GALNTL6: variants seen among roughly 807,000 people sequenced by gnomAD.
The protein encoded by GALNTL6 is polypeptide N-acetylgalactosaminyltransferase like 6, also known as polypeptide N-acetylgalactosaminyltransferase-like 6.
A neutral mutation model predicts 73.7 loss-of-function variants in GALNTL6; 46 were observed. The ratio of observed to expected loss-of-function variants is 0.62; its 90% CI spans 0.49 to 0.80. The LOEUF is 0.80. Ranked by LOEUF, GALNTL6 falls within the 30% of genes least tolerant of loss-of-function variation. The pLI, the probability that GALNTL6 is intolerant of heterozygous loss-of-function variation, is 0.00. For synonymous variants in GALNTL6, 259 were observed against 263.7 expected (o/e 0.98, Z 0.17); for missense variants, 604 against 755.0 (o/e 0.80, Z 2.34).
intron 5 of GALNTL6, among the ~76,000 whole-genome samples, chr4:172,617,234 C>T (rs908385472): frequency 7.3e-5 from 11 of 151,562 alleles, no homozygotes; most frequent in African/African-American, 2.7e-4. Context: ...AAATATGGTG[C>T]ATATTTTTAA....
chr4:171,819,556 C>T (rs1485527935), intron 2 of GALNTL6, among the ~76,000 whole-genome samples: 1 of 152,052 alleles, frequency 6.6e-6, no homozygotes, highest in Non-Finnish European at 1.5e-5. Flanking sequence ...GTGGTTTAAA[C>T]GGTGTAGAAG....
chr4:172,022,325 C>T (rs74982585), intron 2 of GALNTL6, among the ~76,000 whole-genome samples: 1 of 151,982 alleles, frequency 6.6e-6, no homozygotes, highest in African/African-American at 2.4e-5. Context: ...AGTTTATGAA[C>T]TAGAGCCTTC....
At chr4:172,289,065 G>A (rs1268222837) in intron 3 of GALNTL6, among the ~76,000 whole-genome samples, 1 of 151,552 alleles carries the variant, frequency 6.6e-6, no homozygotes, top group Non-Finnish European at 1.5e-5. Context: ...CGTCTTATTT[G>A]TGGAAAAATA....
At chr4:172,311,125 C>T (rs1740342963) in intron 3 of GALNTL6, among the ~76,000 whole-genome samples, 1 of 152,070 alleles carries the variant, frequency 6.6e-6, no homozygotes, top group South Asian at 2.1e-4. Flanking sequence ...TCAGTAATTC[C>T]ATTTCTGGGG....
intron 12 of GALNTL6, among the ~76,000 whole-genome samples, chr4:173,038,375 G>C (rs1232361881): frequency 1.3e-5 from 2 of 152,130 alleles, no homozygotes; most frequent in African/African-American, 4.8e-5. Context: ...TCAGAAAGAA[G>C]GGCTGGCGGA....
At chr4:172,986,844 A>C (rs1751310620) in intron 10 of GALNTL6, among the ~76,000 whole-genome samples, 1 of 152,228 alleles carries the variant, frequency 6.6e-6, no homozygotes, top group Non-Finnish European at 1.5e-5. Context: ...ACTGTATCCC[A>C]AGGAATAAGC....
At chr4:172,649,799 T>C (rs1740394799) in intron 5 of GALNTL6, among the ~76,000 whole-genome samples, 1 of 152,198 alleles carries the variant, frequency 6.6e-6, no homozygotes, top group African/African-American at 2.4e-5. Flanking sequence ...CAGAAGACTG[T>C]CTTATTATCA....
chr4:173,039,846 C>A, intron 12 of GALNTL6, 87 bp from the exon 13 acceptor site: 2 of 1,000,190 alleles, frequency 2.0e-6, no homozygotes, highest in Non-Finnish European at 3.0e-6. Context: ...GAAATATAAA[C>A]AGAAATATCT....
intron 2 of GALNTL6, among the ~76,000 whole-genome samples, chr4:171,903,623 A>C (rs7693324): frequency 0.49 from 54,944 of 111,842 alleles, 16,804 homozygotes; most frequent in African/African-American, 0.68. Context: ...CCTGAAGCTC[A>C]AACTGGGTGG....
At chr4:172,175,079 A>AT (rs376274267) in intron 2 of GALNTL6, among the ~76,000 whole-genome samples, 57,069 of 146,098 alleles carry the variant, frequency 0.39, 11,117 homozygotes, top group Admixed American at 0.42. Context: ...ACAAACAAGA[A>AT]TTTTTTTTTT....
At chr4:172,647,939 C>CCACT (rs1316715834) in intron 5 of GALNTL6, among the ~76,000 whole-genome samples, 1 of 152,032 alleles carries the variant, frequency 6.6e-6, no homozygotes, top group Non-Finnish European at 1.5e-5. Flanking sequence ...AGGAAGCCAC[C>CCACT]CACTATTCAA....
chr4:172,161,161 T>G (rs550004979), intron 2 of GALNTL6, among the ~76,000 whole-genome samples: 118 of 152,020 alleles, frequency 7.8e-4, no homozygotes, highest in Non-Finnish European at 1.5e-3. Flanking sequence ...GTTTGAAATT[T>G]TTCAAATTGA....
intron 5 of GALNTL6, among the ~76,000 whole-genome samples, chr4:172,769,735 G>A (rs146151464): frequency 2.3e-3 from 343 of 152,246 alleles, no homozygotes; most frequent in African/African-American, 8.0e-3. Context: ...CAAATAGAGA[G>A]AAAAGGTTTA....
intron 5 of GALNTL6, among the ~76,000 whole-genome samples, chr4:172,400,509 T>C (rs1299198539): frequency 9.9e-5 from 15 of 152,148 alleles, no homozygotes. Context: ...ATGTTAAAAA[T>C]GCATGTTAAA....
At chr4:172,542,849 T>G (rs1231076321) in intron 5 of GALNTL6, among the ~76,000 whole-genome samples, 1 of 151,980 alleles carries the variant, frequency 6.6e-6, no homozygotes, top group Admixed American at 6.6e-5. Flanking sequence ...TCCCAGCACT[T>G]TGGGAGGCGC....
chr4:171,870,410 C>A (rs1736106265), intron 2 of GALNTL6, among the ~76,000 whole-genome samples: 1 of 152,194 alleles, frequency 6.6e-6, no homozygotes, highest in South Asian at 2.1e-4. Flanking sequence ...CCCTTGATGA[C>A]AAACTGCATT....
At chr4:172,373,801 G>A (rs941168235) in intron 5 of GALNTL6, among the ~76,000 whole-genome samples, 2 of 152,254 alleles carry the variant, frequency 1.3e-5, no homozygotes, top group Non-Finnish European at 2.9e-5. Flanking sequence ...AACTGAGGAG[G>A]TGGGAGAAAT....
chr4:171,861,258 C>A (rs912299133), intron 2 of GALNTL6, among the ~76,000 whole-genome samples: 18 of 152,228 alleles, frequency 1.2e-4, no homozygotes, highest in African/African-American at 4.3e-4. Flanking sequence ...GTGTGTGCTA[C>A]TTCTGGTTCA....
intron 5 of GALNTL6, among the ~76,000 whole-genome samples, chr4:172,473,309 C>T (rs563754764): frequency 1.8e-4 from 28 of 152,264 alleles, no homozygotes; most frequent in African/African-American, 6.5e-4. Context: ...TTTTTAAAAT[C>T]AACAAACACA....
Sources: allele counts gnomAD v4.1 joint callset (sites outside exome capture counted in the v4.1 genomes callset), GRCh38; gene constraint gnomAD v4.1.1; transcripts MANE v1.5; gene names NCBI Gene and HGNC (gene_info 2026-07-23, HGNC 2026-07-21).